The following SLCO2A1 variants were observed in gnomAD, a reference collection of about 807,000 sequenced individuals.
SLCO2A1 encodes matrin F/G 1.
SLCO2A1 carries 60 observed loss-of-function variants against 71.7 expected under a neutral mutation model. The observed-to-expected ratio is 0.84, with a 90% CI of 0.68 to 1.04. The LOEUF is 1.04. SLCO2A1 is among the 50% of genes least tolerant of loss of function. The pLI is 0.00. For missense variants in SLCO2A1, 745 were observed against 813.4 expected, an observed-to-expected ratio of 0.92 and a Z score of 1.02; for synonymous variants, 308 against 326.7, an observed-to-expected ratio of 0.94 and a Z score of 0.62.
intron 3 of SLCO2A1, among the ~76,000 whole-genome samples, chr3:133,971,869 C>T (rs997777960): frequency 2.0e-5 from 3 of 152,118 alleles, no homozygotes; most frequent in Admixed American, 6.5e-5. Flanking sequence ...AAAGCAATGA[C>T]GGTCCTGGGT....
intron 11 of SLCO2A1, among the ~76,000 whole-genome samples, chr3:133,940,384 C>G (rs371205788): frequency 1.3e-5 from 2 of 152,176 alleles, no homozygotes; most frequent in African/African-American, 4.8e-5. Flanking sequence ...CTCTCCACCC[C>G]CTACCCCAAC....
chr3:133,987,818 G>T (rs369584208), intron 1 of SLCO2A1, among the ~76,000 whole-genome samples: 18 of 152,330 alleles, frequency 1.2e-4, no homozygotes, highest in African/African-American at 4.1e-4. Flanking sequence ...CAGGAGATGT[G>T]GCTGGACTGA....
chr3:133,933,368 C>A lies in SLCO2A1; in HGVS notation c.*1345G>T, dbSNP rs750317148. On this transcript the variant is annotated 3_prime_UTR_variant, in exon 14 of 14. Transcript: ENST00000310926. ...AGTCCCACACTGCCCACCGAGCACA[C>A]CCTGGGAGAAGGCCCTAATGTAAAT... The A allele has an allele frequency of 6.6e-6, 1 of 152,284 alleles. No individual in the cohort carries two copies. Among genetic ancestry groups the A allele is most frequent in the Non-Finnish European group, 1.5e-5 (1 of 68,110 alleles). The allele number at this position is 152,284 out of a possible 1,614,324, so 9.4% of individuals were successfully genotyped here.
chr3:133,995,074 C>T (rs527496048), intron 1 of SLCO2A1, among the ~76,000 whole-genome samples: 2 of 152,230 alleles, frequency 1.3e-5, no homozygotes, highest in East Asian at 1.9e-4. Context: ...AAGCTAGGTG[C>T]ACCCGAGGGA....
At chr3:134,026,416 G>A (rs1282262951) in intron 1 of SLCO2A1, among the ~76,000 whole-genome samples, 1 of 151,224 alleles carries the variant, frequency 6.6e-6, no homozygotes, top group African/African-American at 2.4e-5. Flanking sequence ...TTTTGTTATT[G>A]GCACTATTAA....
At chr3:134,019,485 T>C (rs547710484) in intron 1 of SLCO2A1, among the ~76,000 whole-genome samples, 15 of 152,344 alleles carry the variant, frequency 9.8e-5, no homozygotes, top group Admixed American at 9.1e-4. Context: ...AATGTTTGAA[T>C]GTGAACAAAT....
At chr3:133,979,748 A>T in intron 1 of SLCO2A1, 130 bp from the exon 2 acceptor site, 1 of 957,828 alleles carries the variant, frequency 1.0e-6, no homozygotes, top group African/African-American at 1.7e-5. Flanking sequence ...GTTACTTCCC[A>T]GGGTCTCCAG....
chr3:133,998,997 C>G (rs913216668), intron 1 of SLCO2A1, among the ~76,000 whole-genome samples: 3 of 152,210 alleles, frequency 2.0e-5, no homozygotes, highest in African/African-American at 7.2e-5. Flanking sequence ...CACTCTCTTG[C>G]CCCCTCTCTG....
chr3:133,999,782 A>G lies in SLCO2A1; in HGVS notation c.97-20164T>C, dbSNP rs189913015. Among the ~76,000 whole-genome samples the G allele has an allele frequency of 1.8e-3, 270 of 152,304 alleles. 1 individual carries two copies. Among genetic ancestry groups the G allele is most frequent in the African/African-American group, 5.8e-3 (243 of 41,562 alleles). ...TGTAAGGGTGATTAGAGGTCTGAAA[A>G]AGATTGAGTTAGTCTGAGAGAGTTC... On this transcript the variant is annotated intron_variant, in intron 1 of 13. Transcript: ENST00000310926.
intron 1 of SLCO2A1, among the ~76,000 whole-genome samples, chr3:133,990,339 C>G (rs1436139286): frequency 2.0e-5 from 3 of 152,196 alleles, no homozygotes; most frequent in Non-Finnish European, 2.9e-5. Context: ...ATGAAAGTGT[C>G]AGAGAGGAGG....
At chr3:133,946,145 C>T (rs1933570433) in intron 9 of SLCO2A1, among the ~76,000 whole-genome samples, 1 of 151,846 alleles carries the variant, frequency 6.6e-6, no homozygotes, top group African/African-American at 2.4e-5. Flanking sequence ...GCCGTACAGA[C>T]TAGGGGTGAG....
At chr3:133,972,267 C>T (rs1324979136) in intron 3 of SLCO2A1, among the ~76,000 whole-genome samples, 1 of 151,976 alleles carries the variant, frequency 6.6e-6, no homozygotes. Flanking sequence ...GGGTTTGACA[C>T]CAATTAACAA....
chr3:133,977,510 T>G (rs1934489420), intron 2 of SLCO2A1, among the ~76,000 whole-genome samples: 1 of 152,108 alleles, frequency 6.6e-6, no homozygotes, highest in South Asian at 2.1e-4. Context: ...CCATGGGAGA[T>G]CACAGATTTG....
intron 13 of SLCO2A1, 125 bp downstream of exon 13, chr3:133,935,649 G>A: frequency 8.8e-6 from 10 of 1,130,626 alleles, no homozygotes; most frequent in Non-Finnish European, 1.2e-5. Flanking sequence ...GGGCCGCAGA[G>A]GTGGCCCTTC....
intron 12 of SLCO2A1, 63 bp downstream of exon 12, chr3:133,938,366 A>G (rs1933326990): frequency 2.1e-6 from 3 of 1,412,296 alleles, no homozygotes; most frequent in Non-Finnish European, 2.0e-6. Flanking sequence ...CCCTGCACCC[A>G]TAGCCTTCAG....
chr3:133,959,886 T>C (rs1047895717), intron 3 of SLCO2A1, among the ~76,000 whole-genome samples: 1 of 151,530 alleles, frequency 6.6e-6, no homozygotes, highest in Non-Finnish European at 1.5e-5. Context: ...TTTGGGAGGC[T>C]GAGGCGGGCA....
chr3:133,987,131 G>GCCCCCCCCCCCC (rs71136502), intron 1 of SLCO2A1, among the ~76,000 whole-genome samples: 2 of 105,084 alleles, frequency 1.9e-5, no homozygotes, highest in Admixed American at 1.9e-4. Context: ...AAAATTCAAA[G>GCCCCCCCCCCCC]CCCCCCCCCC....
intron 3 of SLCO2A1, among the ~76,000 whole-genome samples, chr3:133,964,625 AG>A (rs1934121827): frequency 6.6e-6 from 1 of 152,242 alleles, no homozygotes; most frequent in South Asian, 2.1e-4. Context: ...AAAGAAGCTC[AG>A]GGCAGTGGAA....
chr3:133,965,212 C>T (rs1311643829), intron 3 of SLCO2A1, among the ~76,000 whole-genome samples: 4 of 152,166 alleles, frequency 2.6e-5, no homozygotes, highest in African/African-American at 4.8e-5. Flanking sequence ...GTTAATGGGG[C>T]TCCTGACCCA....
Sources: gnomAD v4.1 joint callset for allele counts (sites outside exome capture counted in the v4.1 genomes callset) on GRCh38, gnomAD v4.1.1 for gene constraint, MANE v1.5 for transcripts, NCBI Gene and HGNC (gene_info 2026-07-23, HGNC 2026-07-21) for gene names.